NOCT: variants seen among roughly 807,000 people sequenced by gnomAD.
NOCT encodes the protein CCR4 carbon catabolite repression 4-like.
Under a neutral mutation model 35.0 loss-of-function variants are expected in NOCT, and 18 were observed. The observed-to-expected ratio is 0.51, with a 90% CI of 0.36 to 0.76. The LOEUF (loss-of-function observed/expected upper bound fraction) is 0.76. Ranked by LOEUF, NOCT falls within the 30% of genes least tolerant of loss-of-function variation. The probability of loss-of-function intolerance (pLI) is 0.01; values close to 1 mark genes in which losing one functional copy is unlikely to be tolerated. For synonymous variants in NOCT, 235 were observed against 226.3 expected (o/e 1.04, Z -0.34); for missense variants, 479 against 541.0 (o/e 0.89, Z 1.14).
intron 1 of NOCT, among the ~76,000 whole-genome samples, chr4:139,037,355 T>C (rs1360601182): frequency 2.0e-5 from 3 of 152,374 alleles, no homozygotes; most frequent in South Asian, 2.1e-4. Context: ...AGTAGTGTTA[T>C]CACACCTGAC....
intron 1 of NOCT, among the ~76,000 whole-genome samples, chr4:139,022,806 C>T (rs1404100937): frequency 6.6e-6 from 1 of 152,078 alleles, no homozygotes. Flanking sequence ...TTAGAAGTTA[C>T]GATGCTGCCC....
At chr4:139,037,110 T>A (rs1726749537) in intron 1 of NOCT, among the ~76,000 whole-genome samples, 1 of 152,216 alleles carries the variant, frequency 6.6e-6, no homozygotes, top group Non-Finnish European at 1.5e-5. Context: ...ACTCTGGCAG[T>A]CAGTGTTGCA....
intron 2 of NOCT, among the ~76,000 whole-genome samples, chr4:139,044,049 TTA>T (rs1314723331): frequency 3.3e-5 from 5 of 149,966 alleles, no homozygotes; most frequent in African/African-American, 1.2e-4. Flanking sequence ...GTCTGCCAAA[TTA>T]AAAAACAGAT....
rs1482550863 is a variant in NOCT, at chr4:139,015,978, C to G, written c.-4C>G. 12 of 1,355,080 alleles carry G rather than the reference C, an allele frequency of 8.9e-6. No individual in the cohort carries two copies. The highest frequency in any genetic ancestry group is 3.1e-5 in the African/African-American group (2 of 65,256). 83.9% of individuals were successfully genotyped at this position (1,355,080 alleles called of 1,614,324 possible). ...GAGGGGCCGTGGTGGCGGCGGCGCCCGGCATGTTTCATAGTCCGCGGCGGC... is the reference window on the plus strand; with the variant it reads ...GAGGGGCCGTGGTGGCGGCGGCGCCGGGCATGTTTCATAGTCCGCGGCGGC... On this transcript the variant is annotated 5_prime_UTR_variant, in exon 1 of 3. Transcript: ENST00000280614.
intron 1 of NOCT, among the ~76,000 whole-genome samples, chr4:139,034,863 T>C (rs183364932): frequency 9.1e-4 from 138 of 152,290 alleles, no homozygotes; most frequent in African/African-American, 3.2e-3. Flanking sequence ...GCCCGGCTCA[T>C]GTTCTCCTAC....
At chr4:139,033,181 G>C (rs1367448471) in intron 1 of NOCT, among the ~76,000 whole-genome samples, 1 of 151,998 alleles carries the variant, frequency 6.6e-6, no homozygotes, top group African/African-American at 2.4e-5. Flanking sequence ...CCTAGCCAAC[G>C]TGGTAAAACC....
intron 1 of NOCT, among the ~76,000 whole-genome samples, chr4:139,016,638 GTTGT>G (rs1560727607): frequency 4.5e-4 from 23 of 50,808 alleles, no homozygotes; most frequent in Admixed American, 1.3e-3. Context: ...TTCGTTTTAC[GTTGT>G]TTTTTTTTTT....
At chr4:139,026,234 A>G (rs760725304) in intron 1 of NOCT, among the ~76,000 whole-genome samples, 7 of 150,178 alleles carry the variant, frequency 4.7e-5, no homozygotes, top group Non-Finnish European at 1.0e-4. Context: ...CCCAAGTAGC[A>G]GGGATTACAG....
At position 139,020,818 on chromosome 4, in the gene NOCT, C is replaced by T. The variant is rs565560423; in HGVS notation, c.190+4647C>T. Among the ~76,000 whole-genome samples the T allele has an allele frequency of 5.5e-4, 83 of 152,174 alleles. 1 individual carries two copies. The South Asian group carries it at 0.017, about 32-fold the overall frequency. On this transcript the variant is annotated intron_variant, in intron 1 of 2. Coordinates refer to ENST00000280614, the MANE Select transcript of NOCT (RefSeq NM_012118.4). The stretch of plus-strand genomic sequence containing the variant: ...CAGTGGTTCACGCCTGTAATCCCAG[C>T]ACTTTGGGAGGCCGAGGTGCGGATC...
chr4:139,028,513 T>G (rs1726564050), intron 1 of NOCT, among the ~76,000 whole-genome samples: 1 of 152,228 alleles, frequency 6.6e-6, no homozygotes, highest in Non-Finnish European at 1.5e-5. Flanking sequence ...GTGTGTGCTG[T>G]GACGACAGTG....
intron 1 of NOCT, among the ~76,000 whole-genome samples, chr4:139,022,021 A>G (rs1240001731): frequency 2.0e-5 from 3 of 152,040 alleles, no homozygotes; most frequent in African/African-American, 7.2e-5. Context: ...GGCCTCCCAG[A>G]GTGCTGGGAT....
chr4:139,020,893 G>C (rs1424898081), intron 1 of NOCT, among the ~76,000 whole-genome samples: 1 of 151,684 alleles, frequency 6.6e-6, no homozygotes, highest in Admixed American at 6.6e-5. Flanking sequence ...GTGAAACCCT[G>C]TCTCTACTTA....
chr4:139,025,126 C>T (rs1726488467), intron 1 of NOCT, among the ~76,000 whole-genome samples: 2 of 152,144 alleles, frequency 1.3e-5, no homozygotes, highest in African/African-American at 4.8e-5. Flanking sequence ...GTCCATTCAC[C>T]TTTGCAAGCC....
At chr4:139,021,057 C>CA (rs1726400271) in intron 1 of NOCT, among the ~76,000 whole-genome samples, 1 of 119,492 alleles carries the variant, frequency 8.4e-6, no homozygotes, top group South Asian at 2.8e-4. Context: ...ACAGTAGGAG[C>CA]AATACTCTGT....
chr4:139,025,201 C>T (rs2148643159), intron 1 of NOCT, among the ~76,000 whole-genome samples: 1 of 152,146 alleles, frequency 6.6e-6, no homozygotes, highest in South Asian at 2.1e-4. Flanking sequence ...CCAAAAGCCA[C>T]CCTTCCCGGC....
Position 139,016,162 on chromosome 4 carries a change from T to C in NOCT, c.181T>C (p.Ser61Pro), listed in dbSNP as rs1270457766. The C allele has an allele frequency of 1.6e-6, 2 of 1,263,472 alleles. No individual in the cohort carries two copies. The highest frequency in any genetic ancestry group is 2.0e-6 in the Non-Finnish European group (2 of 1,008,496). The allele number at this position is 1,263,472 out of a possible 1,614,324, so 78.3% of individuals were successfully genotyped here. A position where few individuals can be genotyped will look rare whatever the true frequency, so the allele number is the denominator to read the frequency against. ...GGCCTCGGGCGCCGCGAGGTCGTGT[T>C]CCCGAACAGGTGAGTGCACCCCAGT... ...SAASGAARSCSRTVCSMGTGT... is the reference protein window; with the variant it reads ...SAASGAARSCPRTVCSMGTGT... The change falls in exon 1 of 3, where the codon TCC becomes CCC. Residue 61 changes from serine (S) to proline (P), a missense_variant. Ser to Pro is a moderately conservative substitution (Grantham distance 74). Around this residue, in one of 2 missense-constraint regions of NOCT, gnomAD observed 265 missense variants for 257.0 expected, o/e 1.03. Transcript: ENST00000280614.
At chr4:139,044,019 AG>A (rs1383947236) in intron 2 of NOCT, 6 of 144,152 alleles carry the variant, frequency 4.2e-5, no homozygotes, top group African/African-American at 1.6e-4. Context: ...TTGTTACAGT[AG>A]TAAGGACTTC....
chr4:139,017,558 C>T (rs528411601), intron 1 of NOCT, among the ~76,000 whole-genome samples: 159 of 144,574 alleles, frequency 1.1e-3, no homozygotes, highest in African/African-American at 2.8e-3. Flanking sequence ...AGGCCGGGCG[C>T]GGTGGCTCAC....
In NOCT at chr4:139,043,075, G is replaced by A. The variant is rs1726866274; in HGVS notation, c.192G>A (p.Val64=). 22 of 1,591,188 alleles carry A rather than the reference G, an allele frequency of 1.4e-5. No individual in the cohort carries two copies. The highest frequency in any genetic ancestry group is 1.9e-5 in the Non-Finnish European group (22 of 1,161,926). The change falls in exon 2 of 3, where the codon GTG becomes GTA. Residue 64 remains valine, a splice_region_variant and synonymous_variant. Coordinates refer to ENST00000280614, the MANE Select transcript of NOCT (RefSeq NM_012118.4). ...TAACTGTGATTTCCTTTTCCGTAGTGTGTTCCATGGGAACCGGTACAAGCA... is the reference window on the plus strand; with the variant it reads ...TAACTGTGATTTCCTTTTCCGTAGTATGTTCCATGGGAACCGGTACAAGCA... ...SGAARSCSRT[V]CSMGTGTSRL...
Sources: gnomAD v4.1 joint callset for allele counts (sites outside exome capture counted in the v4.1 genomes callset) on GRCh38, gnomAD v4.1.1 for gene constraint, gnomAD v4.1.1 regional missense constraint, MANE v1.5 for transcripts, NCBI Gene and HGNC (gene_info 2026-07-23, HGNC 2026-07-21) for gene names.